The following FAM120A variants were observed in gnomAD, a reference collection of about 807,000 sequenced individuals.
FAM120A encodes constitutive coactivator of PPAR-gamma-like protein 1.
In FAM120A, 15 loss-of-function variants were observed where a neutral mutation model predicts 109.7. The ratio of observed to expected loss-of-function variants is 0.14; its 90% CI spans 0.09 to 0.21. FAM120A has a LOEUF of 0.21. FAM120A is among the 10% of genes least tolerant of loss of function. The probability of loss-of-function intolerance (pLI) is 1.00; values close to 1 mark genes in which losing one functional copy is unlikely to be tolerated. For missense variants in FAM120A, 899 were observed against 1,439.3 expected (o/e 0.62, Z 6.07); for synonymous variants, 493 against 572.8 (o/e 0.86, Z 1.99).
chr9:93,539,552 T>A (rs1321856101), intron 10 of FAM120A, among the ~76,000 whole-genome samples: 1 of 152,222 alleles, frequency 6.6e-6, no homozygotes, highest in Non-Finnish European at 1.5e-5. Context: ...AAACTACCAG[T>A]ACGGAGTTCA....
At chr9:93,513,543 A>G (rs1218051365) in intron 5 of FAM120A, among the ~76,000 whole-genome samples, 2 of 152,148 alleles carry the variant, frequency 1.3e-5, no homozygotes, top group African/African-American at 2.4e-5. Context: ...CATTATTCCC[A>G]GCTTCTCATA....
At position 93,557,928 on chromosome 9, in the gene FAM120A, C is replaced by T. The variant is rs1862346758; in HGVS notation, c.2586C>T (p.Ala862=). ...SHTLPFPPPP[A]LPFYPASAYP... Reference sequence around the variant, plus strand: ...CGCTCCCTTTCCCGCCGCCACCTGCCCTGCCCTTCTACCCTGCCTCTGCGT... The same window carrying T: ...CGCTCCCTTTCCCGCCGCCACCTGCTCTGCCCTTCTACCCTGCCTCTGCGT... Residue 862 remains alanine, a synonymous_variant, in exon 14 of 18, where the codon GCC becomes GCT. Transcript: ENST00000277165. 6.2e-7 allele frequency: 1 copy of T among 1,610,198 alleles called. No individual in the cohort carries two copies. Among genetic ancestry groups the T allele is most frequent in the African/African-American group, 1.3e-5 (1 of 75,068 alleles).
At position 93,451,742 on chromosome 9, in the gene FAM120A, C is replaced by T; in HGVS notation, c.-174C>T. On this transcript the variant is annotated 5_prime_UTR_variant, in exon 1 of 18. Coordinates refer to ENST00000277165, the MANE Select transcript of FAM120A (RefSeq NM_014612.5). ...GGCAGGTCCCTCCCCAGACATGGCC[C>T]TGGGAGGCGGCAGCACATGGCGGCC... 1 of 985,228 alleles carries T rather than the reference C, an allele frequency of 1.0e-6. No individual in the cohort carries two copies. Among genetic ancestry groups the T allele is most frequent in the Non-Finnish European group, 1.2e-6 (1 of 831,654 alleles). 61.0% of individuals were successfully genotyped at this position (985,228 alleles called of 1,614,324 possible).
intron 8 of FAM120A, among the ~76,000 whole-genome samples, chr9:93,527,874 C>T (rs1316536654): frequency 6.6e-6 from 1 of 152,098 alleles, no homozygotes; most frequent in African/African-American, 2.4e-5. Flanking sequence ...CTGCCCTCCT[C>T]AGCCTCCCAA....
intron 9 of FAM120A, 123 bp downstream of exon 9, chr9:93,529,703 G>A: frequency 1.2e-6 from 1 of 808,908 alleles, no homozygotes; most frequent in Non-Finnish European, 2.1e-6. Flanking sequence ...TTGAAACAAA[G>A]TTCACTTTCC....
intron 3 of FAM120A, among the ~76,000 whole-genome samples, chr9:93,481,751 G>A (rs531344258): frequency 1.3e-5 from 2 of 152,156 alleles, no homozygotes; most frequent in South Asian, 2.1e-4. Flanking sequence ...AGGTTTAGTC[G>A]GTTTTACTCT....
At chr9:93,501,303 A>G (rs1859789464) in intron 5 of FAM120A, among the ~76,000 whole-genome samples, 1 of 152,246 alleles carries the variant, frequency 6.6e-6, no homozygotes, top group South Asian at 2.1e-4. Flanking sequence ...ATCTGGGCTC[A>G]TAATTATGAA....
At chr9:93,545,780 CTTTTTTTTTTTTTTTT>C (rs774150537) in intron 11 of FAM120A, among the ~76,000 whole-genome samples, 1 of 65,494 alleles carries the variant, frequency 1.5e-5, no homozygotes, top group Non-Finnish European at 2.9e-5. Flanking sequence ...GGAAAGACTC[CTTTTTTTTTTTTTTTT>C]TTTTTTTTTT....
chr9:93,511,033 C>T (rs1225723888), intron 5 of FAM120A, among the ~76,000 whole-genome samples: 1 of 151,702 alleles, frequency 6.6e-6, no homozygotes, highest in Non-Finnish European at 1.5e-5. Flanking sequence ...AGCAGTCCAG[C>T]AGTCAGTAAA....
chr9:93,515,145 T>G (rs1011663187), intron 5 of FAM120A, among the ~76,000 whole-genome samples: 5 of 152,256 alleles, frequency 3.3e-5, no homozygotes, highest in African/African-American at 1.2e-4. Context: ...AGCAATTCCT[T>G]TTATATTTAA....
chr9:93,454,428 G>T (rs1045886214), intron 1 of FAM120A, among the ~76,000 whole-genome samples: 8 of 151,972 alleles, frequency 5.3e-5, no homozygotes, highest in Non-Finnish European at 8.8e-5. Context: ...GTTGGCGGGT[G>T]TAGGGGGGTG....
intron 5 of FAM120A, among the ~76,000 whole-genome samples, chr9:93,499,136 G>T (rs773239112): frequency 6.6e-6 from 1 of 152,170 alleles, no homozygotes; most frequent in Non-Finnish European, 1.5e-5. Context: ...GCAGCAGGTC[G>T]AGGGGATGTT....
intron 10 of FAM120A, among the ~76,000 whole-genome samples, chr9:93,535,840 C>G (rs1861494947): frequency 6.6e-6 from 1 of 152,152 alleles, no homozygotes; most frequent in African/African-American, 2.4e-5. Flanking sequence ...CAAAACCAAC[C>G]TTGTTTGAGA....
intron 3 of FAM120A, among the ~76,000 whole-genome samples, chr9:93,489,247 AGC>A (rs1859206929): frequency 6.6e-6 from 1 of 152,210 alleles, no homozygotes; most frequent in Non-Finnish European, 1.5e-5. Flanking sequence ...ATACTTAGTA[AGC>A]TCCTCTATAA....
At chr9:93,556,784 T>G (rs750581391) in intron 13 of FAM120A, among the ~76,000 whole-genome samples, 193 bp downstream of exon 13, 3 of 152,226 alleles carry the variant, frequency 2.0e-5, no homozygotes, top group Non-Finnish European at 4.4e-5. Context: ...ACATTGTTTC[T>G]CATTATTTGT....
At chr9:93,486,449 T>C (rs1367966813) in intron 3 of FAM120A, among the ~76,000 whole-genome samples, 1 of 152,144 alleles carries the variant, frequency 6.6e-6, no homozygotes, top group Non-Finnish European at 1.5e-5. Context: ...TCATTTTCCA[T>C]GTGTATATGG....
At position 93,532,650 on chromosome 9, in the gene FAM120A, T is replaced by TCA. The variant is rs1861372944; in HGVS notation, c.1909+322_1909+323dup. 1.2e-5 allele frequency: 4 copies of TCA among 330,298 alleles called. No individual in the cohort carries two copies. The highest frequency in any genetic ancestry group is 1.1e-4 in the South Asian group (4 of 36,508). The allele number at this position is 330,298 out of a possible 1,614,324, so 20.5% of individuals were successfully genotyped here. The stretch of plus-strand genomic sequence containing the variant: ...CTCTGTAATTACCACGTCTTGGTAA[T>TCA]CAGGACGAGTGAGTTTCTGTGCTCT... On this transcript the variant is annotated intron_variant, in intron 10 of 17. Transcript: ENST00000277165. This position sits in a 1 kb window ranked among gnomAD's most constrained non-coding sequence, Gnocchi z 4.3.
chr9:93,508,643 T>A (rs1860172853), intron 5 of FAM120A, among the ~76,000 whole-genome samples: 1 of 152,170 alleles, frequency 6.6e-6, no homozygotes, highest in Non-Finnish European at 1.5e-5. Context: ...GGGCTGGTGT[T>A]CTGGGCTCTG....
At chr9:93,480,001 T>A (rs1180352437) in intron 3 of FAM120A, among the ~76,000 whole-genome samples, 1 of 152,242 alleles carries the variant, frequency 6.6e-6, no homozygotes, top group Non-Finnish European at 1.5e-5. Flanking sequence ...AGCCAAATTC[T>A]GTTTTGTCCT....
Sources: gnomAD v4.1 joint callset for allele counts (sites outside exome capture counted in the v4.1 genomes callset) on GRCh38, gnomAD v4.1.1 for gene constraint, Gnocchi (gnomAD v3.1) non-coding constraint, MANE v1.5 for transcripts, NCBI Gene and HGNC (gene_info 2026-07-23, HGNC 2026-07-21) for gene names.